Variants in DNMT3B observed in about 807,000 individuals in gnomAD.
DNMT3B encodes DNA methyltransferase 3 beta, also known as DNA (cytosine-5)-methyltransferase 3B.
In DNMT3B, 37 loss-of-function variants were observed where a neutral mutation model predicts 120.2. The observed-to-expected ratio is 0.31, with a 90% CI of 0.24 to 0.40. The LOEUF (loss-of-function observed/expected upper bound fraction) is 0.40. Ranked by LOEUF, DNMT3B falls within the 10% of genes least tolerant of loss-of-function variation. DNMT3B has a pLI of 1.00. For synonymous variants in DNMT3B, 412 were observed against 442.8 expected, an observed-to-expected ratio of 0.93 and a Z score of 0.87; for missense variants, 878 against 1,137.3, an observed-to-expected ratio of 0.77 and a Z score of 3.28.
intron 1 of DNMT3B, among the ~76,000 whole-genome samples, chr20:32,772,608 C>A (rs1338283526): frequency 6.6e-6 from 1 of 152,130 alleles, no homozygotes; most frequent in East Asian, 1.9e-4. Flanking sequence ...CTTGGGGCTG[C>A]CACACCCTTC....
At chr20:32,786,700 T>A in intron 5 of DNMT3B, 73 bp downstream of exon 5, 2 of 1,602,616 alleles carry the variant, frequency 1.2e-6, no homozygotes. Context: ...ACTGCACTAC[T>A]GGTTGTGGCT....
chr20:32,786,730 T>C (rs1979340533), intron 5 of DNMT3B, 103 bp downstream of exon 5: 9 of 1,566,620 alleles, frequency 5.7e-6, no homozygotes, highest in Middle Eastern at 3.3e-4. Flanking sequence ...TCTGTGTCCT[T>C]TTTTCACACT....
chr20:32,791,525 G>C lies in DNMT3B; in HGVS notation c.814-76G>C. The stretch of plus-strand genomic sequence containing the variant: ...AAGTGTGTGAAAATCTTCTGCATCT[G>C]ATGGACAACATTGTGATAGACATGG... On this transcript the variant is annotated intron_variant, in intron 7 of 22. Coordinates refer to ENST00000328111, the MANE Select transcript of DNMT3B (RefSeq NM_006892.4). 2.1e-6 allele frequency: 3 copies of C among 1,412,524 alleles called. No homozygotes were observed. In the South Asian group the frequency reaches 3.6e-5, roughly 17 times the overall value. 87.5% of individuals were successfully genotyped at this position (1,412,524 alleles called of 1,614,324 possible).
chr20:32,777,699 C>T (rs1413518587), intron 1 of DNMT3B, among the ~76,000 whole-genome samples: 3 of 152,130 alleles, frequency 2.0e-5, no homozygotes, highest in Non-Finnish European at 2.9e-5. Flanking sequence ...TGAGGTGAAA[C>T]GCTTGAAATT....
intron 10 of DNMT3B, among the ~76,000 whole-genome samples, chr20:32,795,109 A>T (rs1980448942): frequency 6.6e-6 from 1 of 152,236 alleles, no homozygotes. Context: ...TATCACAGAC[A>T]TGGGTATGCC....
At chr20:32,771,125 G>A (rs1280288742) in intron 1 of DNMT3B, among the ~76,000 whole-genome samples, 1 of 152,120 alleles carries the variant, frequency 6.6e-6, no homozygotes, top group Non-Finnish European at 1.5e-5. Context: ...TAGTGTGCAA[G>A]GACATATTTT....
At chr20:32,798,430 G>A (rs1980904131) in intron 14 of DNMT3B, 30 bp from the exon 15 acceptor site, 1 of 1,613,686 alleles carries the variant, frequency 6.2e-7, no homozygotes, top group Non-Finnish European at 8.5e-7. Context: ...CTCTGACAAA[G>A]GCATCCCTTC....
At chr20:32,807,021 T>A (rs905975662) in intron 22 of DNMT3B, among the ~76,000 whole-genome samples, 4 of 152,202 alleles carry the variant, frequency 2.6e-5, no homozygotes, top group Non-Finnish European at 4.4e-5. Flanking sequence ...AACTTCTGAT[T>A]AGTATTTATG....
At chr20:32,765,337 C>G (rs764806235) in intron 1 of DNMT3B, among the ~76,000 whole-genome samples, 2 of 151,372 alleles carry the variant, frequency 1.3e-5, no homozygotes, top group African/African-American at 2.4e-5. Flanking sequence ...CTCACTGGGA[C>G]CCTTTTACAG....
intron 22 of DNMT3B, 106 bp downstream of exon 22, chr20:32,806,433 G>C: frequency 9.5e-7 from 1 of 1,048,192 alleles, no homozygotes; most frequent in Non-Finnish European, 1.5e-6. Context: ...CTGCCCTTTG[G>C]TGTTACTGGG....
chr20:32,803,242 A>G (rs1601134300), intron 20 of DNMT3B, among the ~76,000 whole-genome samples: 2 of 152,356 alleles, frequency 1.3e-5, no homozygotes, highest in East Asian at 1.9e-4. Flanking sequence ...GGTTTCAAGG[A>G]GAAGAACTTG....
At position 32,801,783 on chromosome 20, in the gene DNMT3B, G is replaced by C. The variant is rs150124016; in HGVS notation, c.2145+357G>C. ...TATTTTTGGTAGAGACAGGGTCTTG[G>C]TATGTTGCACACCCTAGTCTTGAAC... On this transcript the variant is annotated intron_variant, in intron 19 of 22. Transcript: ENST00000328111. 2.0e-3 allele frequency among the ~76,000 whole-genome samples: 307 copies of C among 152,192 alleles called. 5 individuals carry two copies. The highest frequency in any genetic ancestry group is 6.9e-3 in the African/African-American group (286 of 41,534).
At chr20:32,798,293 G>A (rs916341043) in intron 14 of DNMT3B, among the ~76,000 whole-genome samples, 167 bp from the exon 15 acceptor site, 44 of 152,200 alleles carry the variant, frequency 2.9e-4, no homozygotes, top group African/African-American at 7.2e-4. Flanking sequence ...CAAGGAAGAC[G>A]TCAGGGAAGC....
rs1329160401 is a variant in DNMT3B at position 32,765,753 on chromosome 20, TTTTTC to T, written c.-7+3059_-7+3063del. Among the ~76,000 whole-genome samples, 161 of 101,600 alleles carry T rather than the reference TTTTTC, an allele frequency of 1.6e-3. 13 individuals are homozygous for T. Among genetic ancestry groups the T allele is most frequent in the African/African-American group, 0.014 (153 of 10,710 alleles). 66.7% of individuals were successfully genotyped at this position (101,600 alleles called of 152,430 possible). A position where few individuals can be genotyped will look rare whatever the true frequency, so the allele number is the denominator to read the frequency against. On this transcript the variant is annotated intron_variant, in intron 1 of 22. Coordinates refer to ENST00000328111, the MANE Select transcript of DNMT3B (RefSeq NM_006892.4). ...TTTATTTATTTATTTATTTTTTCTT[TTTTTC>T]TTTTTTTTTTTTTTTGAGACGGAGT...
At chr20:32,767,456 G>A (rs1009863730) in intron 1 of DNMT3B, among the ~76,000 whole-genome samples, 1 of 151,548 alleles carries the variant, frequency 6.6e-6, no homozygotes, top group African/African-American at 2.4e-5. Flanking sequence ...TTTGAGACAA[G>A]TCTCGCATTG....
chr20:32,799,107 T>C, intron 15 of DNMT3B, 137 bp from the exon 16 acceptor site: 5 of 907,096 alleles, frequency 5.5e-6, no homozygotes, highest in Non-Finnish European at 8.8e-6. Context: ...CCAATCCCCA[T>C]CAAGCCTTCA....
At chr20:32,784,622 T>A in intron 3 of DNMT3B, 136 bp from the exon 4 acceptor site, 2 of 886,290 alleles carry the variant, frequency 2.3e-6, no homozygotes, top group South Asian at 1.4e-5. Context: ...TGCACCCATA[T>A]GCAGTGTGTT....
intron 1 of DNMT3B, among the ~76,000 whole-genome samples, chr20:32,771,112 A>G (rs1240482838): frequency 6.6e-6 from 1 of 152,160 alleles, no homozygotes; most frequent in Non-Finnish European, 1.5e-5. Context: ...CCTTTTCAAT[A>G]CATAGTGTGC....
rs1981865853 is a variant in DNMT3B at position 32,805,472 on chromosome 20, T to C, written c.2301+65T>C. On this transcript the variant is annotated intron_variant, in intron 21 of 22. Coordinates refer to ENST00000328111, the MANE Select transcript of DNMT3B (RefSeq NM_006892.4). The stretch of plus-strand genomic sequence containing the variant: ...GACCTCCAAGTGGGGACTTGGGAGA[T>C]GACCTTGGTGTTTGATTGGTTCCTA... 2.1e-5 allele frequency: 34 copies of C among 1,598,136 alleles called. No individual in the cohort carries two copies. The South Asian group carries it at 3.6e-4, about 17-fold the overall frequency.
Sources: allele counts gnomAD v4.1 joint callset (sites outside exome capture counted in the v4.1 genomes callset), GRCh38; gene constraint gnomAD v4.1.1; transcripts MANE v1.5; gene names NCBI Gene and HGNC (gene_info 2026-07-23, HGNC 2026-07-21).